ZNF618: variants seen among roughly 807,000 people sequenced by gnomAD.
The protein encoded by ZNF618 is zinc finger protein 618.
Under a neutral mutation model 103.0 loss-of-function variants are expected in ZNF618, and 34 were observed. The ratio of observed to expected loss-of-function variants is 0.33; its 90% CI spans 0.25 to 0.44. ZNF618 has a LOEUF of 0.44. ZNF618 is among the 20% of genes least tolerant of loss of function. The pLI, the probability that ZNF618 is intolerant of heterozygous loss-of-function variation, is 1.00. For missense variants in ZNF618, 1,059 were observed against 1,295.4 expected (o/e 0.82, Z 2.80); for synonymous variants, 551 against 542.2 (o/e 1.02, Z -0.23).
rs181458909 is a variant in ZNF618, at chr9:113,898,615, C to T, written c.33+22202C>T. 2.9e-4 allele frequency among the ~76,000 whole-genome samples: 44 copies of T among 151,822 alleles called. 1 individual carries two copies. The East Asian group carries it at 7.4e-3, about 25-fold the overall frequency. Reference sequence around the variant, plus strand: ...CTAATTTTTAAATTTTTTGTAGAGGCGGGGTCTTGCTATGTTGCCCAGGCT... The same window carrying T: ...CTAATTTTTAAATTTTTTGTAGAGGTGGGGTCTTGCTATGTTGCCCAGGCT... On this transcript the variant is annotated intron_variant, in intron 1 of 14. Coordinates refer to ENST00000374126, the MANE Select transcript of ZNF618 (RefSeq NM_001318042.2).
Position 113,969,174 on chromosome 9 carries a change from C to T in ZNF618, c.77+14C>T, listed in dbSNP as rs1264393668. 1.2e-6 allele frequency: 2 copies of T among 1,614,008 alleles called. No individual in the cohort carries two copies. Among genetic ancestry groups the T allele is most frequent in the East Asian group, 4.5e-5 (2 of 44,886 alleles). On this transcript the variant is annotated intron_variant, in intron 2 of 14. Transcript: ENST00000374126. ...CACTGCGAGCAGGTACACTCCCTCT[C>T]CCGCCCCCAGCTTGTCCACCCATCG...
Position 113,988,589 on chromosome 9 carries a change from C to G in ZNF618, c.337+9C>G. Reference sequence around the variant, plus strand: ...CAACCAGCAGACCCTTGGTGAGTGCCCAGCGTCTGTGGTCAGGGTGGAGAC... The same window carrying G: ...CAACCAGCAGACCCTTGGTGAGTGCGCAGCGTCTGTGGTCAGGGTGGAGAC... On this transcript the variant is annotated intron_variant, in intron 3 of 14. Transcript: ENST00000374126. 6.3e-7 allele frequency: 1 copy of G among 1,599,924 alleles called. No homozygotes were observed. Among genetic ancestry groups the G allele is most frequent in the Non-Finnish European group, 8.5e-7 (1 of 1,175,644 alleles).
At chr9:114,029,023 A>G (rs1588398693) in intron 11 of ZNF618, 51 bp downstream of exon 11, 9 of 1,518,594 alleles carry the variant, frequency 5.9e-6, no homozygotes, top group Non-Finnish European at 7.9e-6. Context: ...TGCCCTTCTC[A>G]CCACCTGCCA....
rs768838530 is a variant in ZNF618 at position 114,032,703 on chromosome 9, G to A, written c.1143G>A (p.Thr381=). 21 of 1,613,920 alleles carry A rather than the reference G, an allele frequency of 1.3e-5. No individual in the cohort carries two copies. The highest frequency in any genetic ancestry group is 4.5e-5 in the East Asian group (2 of 44,888). The change falls in exon 12 of 15, where the codon ACG becomes ACA. Residue 381 remains threonine, a synonymous_variant. Coordinates refer to ENST00000374126, the MANE Select transcript of ZNF618 (RefSeq NM_001318042.2). ...EGKAQNHFEE[T]NSSSQNSSEP... is the part of the protein sequence containing the mutation. ...AAGCACAAAACCACTTTGAAGAGAC[G>A]AACAGCAGTTCGCAGAACTCCAGCG...
intron 10 of ZNF618, chr9:114,028,299 G>A: frequency 5.5e-6 from 1 of 181,392 alleles, no homozygotes; most frequent in Admixed American, 5.3e-5. Context: ...GGACTATCAG[G>A]CCCCTCTGCC....
chr9:113,990,618 C>G (rs10759669), intron 3 of ZNF618, among the ~76,000 whole-genome samples: 36,991 of 152,198 alleles, frequency 0.24, 5,873 homozygotes, highest in East Asian at 0.61. Context: ...ATGCTGCCAG[C>G]CAAGTGACAG....
intron 8 of ZNF618, 41 bp from the exon 9 acceptor site, chr9:114,008,436 C>T (rs1188917253): frequency 6.2e-7 from 1 of 1,613,560 alleles, no homozygotes; most frequent in Non-Finnish European, 8.5e-7. Flanking sequence ...CTCCTGAGAC[C>T]TGGGGGACCA....
At chr9:113,935,804 GT>G (rs1252342806) in intron 1 of ZNF618, among the ~76,000 whole-genome samples, 1 of 152,150 alleles carries the variant, frequency 6.6e-6, no homozygotes, top group Non-Finnish European at 1.5e-5. Flanking sequence ...CTCGGCGAAA[GT>G]TTTGAGTGGA....
intron 1 of ZNF618, among the ~76,000 whole-genome samples, chr9:113,883,282 C>T (rs1467558747): frequency 1.3e-5 from 2 of 152,182 alleles, no homozygotes; most frequent in Admixed American, 6.5e-5. Flanking sequence ...GGGAAATGCT[C>T]CTTTACATGT....
Position 113,951,471 on chromosome 9 carries a change from G to GTACACATA in ZNF618, c.34-17644_34-17643insCACATATA, listed in dbSNP as rs1564207263. Among the ~76,000 whole-genome samples, 69 of 27,118 alleles carry GTACACATA rather than the reference G, an allele frequency of 2.5e-3. 3 individuals carry two copies. Among genetic ancestry groups the GTACACATA allele is most frequent in the African/African-American group, 6.8e-3 (65 of 9,600 alleles). The allele number at this position is 27,118 out of a possible 152,430, so 17.8% of individuals were successfully genotyped here. On this transcript the variant is annotated intron_variant, in intron 1 of 14. Coordinates refer to ENST00000374126, the MANE Select transcript of ZNF618 (RefSeq NM_001318042.2). ...TATGTGTATATATACATATATGTGTGTATGTGTACACATATATGTGTGTAT... is the reference window on the plus strand; with the variant it reads ...TATGTGTATATATACATATATGTGTGTACACATATATGTGTACACATATATGTGTGTAT...
At chr9:114,026,476 A>T (rs1325650954) in intron 10 of ZNF618, among the ~76,000 whole-genome samples, 1 of 152,216 alleles carries the variant, frequency 6.6e-6, no homozygotes, top group African/African-American at 2.4e-5. Context: ...TCCTAGAGTC[A>T]TTCTGCAAGG....
intron 10 of ZNF618, among the ~76,000 whole-genome samples, chr9:114,022,601 C>CAAAAAA (rs56235947): frequency 3.3e-5 from 3 of 90,766 alleles, no homozygotes; most frequent in African/African-American, 4.1e-5. Flanking sequence ...TCCACTTGAC[C>CAAAAAA]AAAAAAAAAA....
At chr9:114,011,388 C>T (rs1842226205) in intron 9 of ZNF618, among the ~76,000 whole-genome samples, 1 of 152,214 alleles carries the variant, frequency 6.6e-6, no homozygotes, top group South Asian at 2.1e-4. Flanking sequence ...AGACAGCCAA[C>T]GCCAGGACCT....
intron 1 of ZNF618, among the ~76,000 whole-genome samples, chr9:113,881,399 A>G (rs1828501318): frequency 6.6e-6 from 1 of 152,204 alleles, no homozygotes; most frequent in African/African-American, 2.4e-5. Flanking sequence ...ATTTTCTCAC[A>G]GTGTATTAAG....
chr9:113,978,557 T>G (rs1838697302), intron 2 of ZNF618, among the ~76,000 whole-genome samples: 1 of 152,252 alleles, frequency 6.6e-6, no homozygotes, highest in Admixed American at 6.5e-5. Context: ...GTCTGTATGC[T>G]CAGGAAACAG....
chr9:113,998,453 C>G, intron 4 of ZNF618, 99 bp downstream of exon 4: 1 of 1,094,840 alleles, frequency 9.1e-7, no homozygotes, highest in Non-Finnish European at 1.3e-6. Context: ...AAGCAGGCCC[C>G]TGTTAGCATC....
At chr9:114,021,808 A>G (rs911961208) in intron 10 of ZNF618, among the ~76,000 whole-genome samples, 2 of 152,230 alleles carry the variant, frequency 1.3e-5, no homozygotes, top group African/African-American at 2.4e-5. Context: ...AGAATTTTAC[A>G]TATATGGAAT....
chr9:114,008,409 C>T, intron 8 of ZNF618, 30 bp downstream of exon 8: 1 of 1,614,022 alleles, frequency 6.2e-7, no homozygotes, highest in African/African-American at 1.3e-5. Flanking sequence ...TTGTCACCTC[C>T]CCTGTCCCCG....
intron 9 of ZNF618, chr9:114,016,074 T>A (rs758701964): frequency 6.5e-6 from 10 of 1,531,234 alleles, no homozygotes; most frequent in South Asian, 1.1e-5. Flanking sequence ...GTTTTTATTC[T>A]GTATTTGTAT....
Sources: gnomAD v4.1 joint callset for allele counts (sites outside exome capture counted in the v4.1 genomes callset) on GRCh38, gnomAD v4.1.1 for gene constraint, MANE v1.5 for transcripts, NCBI Gene and HGNC (gene_info 2026-07-23, HGNC 2026-07-21) for gene names.